TBC1D15: variants seen among roughly 807,000 people sequenced by gnomAD.
The protein encoded by TBC1D15 is GAP for RAB7.
In TBC1D15, 39 loss-of-function variants were observed where a neutral mutation model predicts 95.4. The ratio of observed to expected loss-of-function variants is 0.41; its 90% CI spans 0.32 to 0.53. TBC1D15 has a LOEUF of 0.53. Ranked by LOEUF, TBC1D15 falls within the 20% of genes least tolerant of loss-of-function variation. The pLI, the probability that TBC1D15 is intolerant of heterozygous loss-of-function variation, is 0.29. For missense variants in TBC1D15, 733 were observed against 794.3 expected, an observed-to-expected ratio of 0.92 and a Z score of 0.93; for synonymous variants, 258 against 261.3, an observed-to-expected ratio of 0.99 and a Z score of 0.12.
chr12:71,917,495 C>G (rs757852667), intron 12 of TBC1D15, among the ~76,000 whole-genome samples: 2 of 151,938 alleles, frequency 1.3e-5, no homozygotes, highest in African/African-American at 4.8e-5. Flanking sequence ...AAAAATAATC[C>G]TTAGTTTTGA....
chr12:71,880,421 T>C (rs1894900815), intron 3 of TBC1D15, 48 bp from the exon 4 acceptor site: 2 of 1,475,874 alleles, frequency 1.4e-6, no homozygotes, highest in Non-Finnish European at 9.1e-7. Context: ...GGATTGAAAT[T>C]AAATTTGTTT....
chr12:71,862,832 G>C (rs12371158), intron 1 of TBC1D15, among the ~76,000 whole-genome samples: 2,246 of 152,174 alleles, frequency 0.015, 29 homozygotes, highest in Non-Finnish European at 0.021. Context: ...TTATACTTTT[G>C]TATGTTTTCA....
rs1477356699 is a variant in TBC1D15, at chr12:71,894,569, T to A, written c.658-117T>A. On this transcript the variant is annotated intron_variant, in intron 6 of 16. Coordinates refer to ENST00000485960, the MANE Select transcript of TBC1D15 (RefSeq NM_001146213.3). ...CAAATTTAAGATAATCTTAGAACAC[T>A]CTGTTTTAGTCCTGATTTCTTTTCT... is the stretch of plus-strand genomic sequence containing the variant. 3.7e-6 allele frequency: 4 copies of A among 1,093,636 alleles called. No individual in the cohort carries two copies. The Admixed American group carries it at 1.1e-4, about 30-fold the overall frequency. The allele number at this position is 1,093,636 out of a possible 1,614,324, so 67.7% of individuals were successfully genotyped here. A position where few individuals can be genotyped will look rare whatever the true frequency, so the allele number is the denominator to read the frequency against.
At position 71,907,278 on chromosome 12, in the gene TBC1D15, A is replaced by T. The variant is rs747445988; in HGVS notation, c.1300+140A>T. ...TTGTTCTCCAGGGGACTGGAAACTT[A>T]CAAGGCTATGGTTCTCAACCAAGGA... On this transcript the variant is annotated intron_variant, in intron 11 of 16. Transcript: ENST00000485960. 4 of 520,032 alleles carry T rather than the reference A, an allele frequency of 7.7e-6. No individual in the cohort carries two copies. The East Asian group carries it at 1.3e-4, about 17-fold the overall frequency. 32.2% of individuals were successfully genotyped at this position (520,032 alleles called of 1,614,324 possible). A position where few individuals can be genotyped will look rare whatever the true frequency, so the allele number is the denominator to read the frequency against.
Position 71,897,732 on chromosome 12 carries a change from C to T in TBC1D15, c.1089-115C>T, listed in dbSNP as rs1386142378. 11 of 657,794 alleles carry T rather than the reference C, an allele frequency of 1.7e-5. No individual in the cohort carries two copies. In the East Asian group the frequency reaches 2.6e-4, roughly 16 times the overall value. 40.7% of individuals were successfully genotyped at this position (657,794 alleles called of 1,614,324 possible). On this transcript the variant is annotated intron_variant, in intron 9 of 16. Coordinates refer to ENST00000485960, the MANE Select transcript of TBC1D15 (RefSeq NM_001146213.3). ...TTTTGCTATTGTTTTTATAAACTTA[C>T]ATTCCACTAGCATCATAAATGCTTT...
At chr12:71,853,509 A>T (rs749528883) in intron 1 of TBC1D15, among the ~76,000 whole-genome samples, 4 of 152,292 alleles carry the variant, frequency 2.6e-5, no homozygotes, top group Middle Eastern at 3.4e-3. Context: ...TTAAAATAAT[A>T]CTTTAATATC....
intron 3 of TBC1D15, among the ~76,000 whole-genome samples, chr12:71,874,577 T>C (rs914270198): frequency 6.6e-6 from 1 of 152,000 alleles, no homozygotes. Flanking sequence ...TTTGGAGAAA[T>C]GCCTGTTCTA....
chr12:71,889,864 CTCCCGCTTATAA>C (rs1896906580), intron 5 of TBC1D15, among the ~76,000 whole-genome samples: 1 of 152,276 alleles, frequency 6.6e-6, no homozygotes, highest in East Asian at 1.9e-4. Flanking sequence ...TGTTGTTTAG[CTCCCGCTTATAA>C]GTGAGAACAT....
chr12:71,902,992 A>G (rs559618507), intron 10 of TBC1D15, among the ~76,000 whole-genome samples: 16 of 152,288 alleles, frequency 1.1e-4, no homozygotes, highest in African/African-American at 3.8e-4. Flanking sequence ...GGCTCACTGC[A>G]ACCCCTGCCT....
intron 1 of TBC1D15, among the ~76,000 whole-genome samples, chr12:71,858,938 A>G (rs551294120): frequency 6.6e-5 from 10 of 150,952 alleles, no homozygotes; most frequent in African/African-American, 2.4e-4. Context: ...GCAGTGTATA[A>G]GAGTTATCTT....
chr12:71,910,363 A>G (rs1901910449), intron 11 of TBC1D15, among the ~76,000 whole-genome samples: 1 of 149,432 alleles, frequency 6.7e-6, no homozygotes, highest in Non-Finnish European at 1.5e-5. Flanking sequence ...TTGGTTCCAT[A>G]TGAACTTTAA....
intron 1 of TBC1D15, among the ~76,000 whole-genome samples, chr12:71,856,056 C>T (rs1888993062): frequency 6.6e-6 from 1 of 152,166 alleles, no homozygotes; most frequent in South Asian, 2.1e-4. Context: ...TGCCCCCATA[C>T]TGCCAAACCA....
intron 11 of TBC1D15, 105 bp from the exon 12 acceptor site, chr12:71,913,721 A>T: frequency 1.4e-6 from 1 of 712,672 alleles, no homozygotes. Flanking sequence ...TCTAAATGCA[A>T]AGGAGAAAGA....
intron 14 of TBC1D15, among the ~76,000 whole-genome samples, chr12:71,919,272 T>G (rs989401559): frequency 2.4e-4 from 36 of 150,436 alleles, no homozygotes; most frequent in Non-Finnish European, 4.7e-4. Context: ...ACTCCTGGAC[T>G]CAAGTAATCC....
intron 1 of TBC1D15, among the ~76,000 whole-genome samples, chr12:71,862,606 C>G (rs1307455275): frequency 6.6e-6 from 1 of 152,106 alleles, no homozygotes; most frequent in East Asian, 1.9e-4. Flanking sequence ...CAGTCTGTAT[C>G]TTTTATGTGG....
intron 1 of TBC1D15, among the ~76,000 whole-genome samples, chr12:71,840,168 A>G (rs754391642): frequency 1.3e-5 from 2 of 152,084 alleles, no homozygotes; most frequent in African/African-American, 2.4e-5. Context: ...TTCTGACTCC[A>G]GCGTCTTTTC....
At position 71,923,388 on chromosome 12, in the gene TBC1D15, C is replaced by T. The variant is rs1249647498; in HGVS notation, c.*184C>T. Reference sequence around the variant, plus strand: ...CTAATTATTTTTGTAGTTACTTCTACCAAATAGCCTTTCCTTTTCGATAAC... The same window carrying T: ...CTAATTATTTTTGTAGTTACTTCTATCAAATAGCCTTTCCTTTTCGATAAC... On this transcript the variant is annotated 3_prime_UTR_variant, in exon 17 of 17. Transcript: ENST00000485960. The T allele has an allele frequency of 1.9e-6, 1 of 537,560 alleles. No homozygotes were observed. The highest frequency in any genetic ancestry group is 3.2e-6 in the Non-Finnish European group (1 of 310,124). 33.3% of individuals were successfully genotyped at this position (537,560 alleles called of 1,614,324 possible).
At chr12:71,894,431 T>G in intron 6 of TBC1D15, 1 of 1,535,898 alleles carries the variant, frequency 6.5e-7, no homozygotes, top group Non-Finnish European at 9.0e-7. Flanking sequence ...CTGCAAATCA[T>G]TTGTTTATCT....
chr12:71,894,432 T>C, intron 6 of TBC1D15: 1 of 1,535,478 alleles, frequency 6.5e-7, no homozygotes, highest in Non-Finnish European at 9.0e-7. Flanking sequence ...TGCAAATCAT[T>C]TGTTTATCTG....
Sources: gnomAD v4.1 joint callset for allele counts (sites outside exome capture counted in the v4.1 genomes callset) on GRCh38, gnomAD v4.1.1 for gene constraint, MANE v1.5 for transcripts, NCBI Gene and HGNC (gene_info 2026-07-23, HGNC 2026-07-21) for gene names.